Variants in NKAIN3 observed in about 807,000 individuals in gnomAD.
NKAIN3 encodes sodium/potassium transporting ATPase interacting 3.
A neutral mutation model predicts 30.2 loss-of-function variants in NKAIN3; 25 were observed. The ratio of observed to expected loss-of-function variants is 0.83; its 90% CI spans 0.60 to 1.16. The LOEUF (loss-of-function observed/expected upper bound fraction) is 1.16. NKAIN3 is among the 50% of genes most tolerant of loss of function. NKAIN3 has a pLI of 0.00. For synonymous variants in NKAIN3, 91 were observed against 89.6 expected (o/e 1.02, Z -0.09); for missense variants, 225 against 254.1 (o/e 0.89, Z 0.78).
chr8:62,429,275 A>G (rs888039665), intron 1 of NKAIN3, among the ~76,000 whole-genome samples: 12 of 151,846 alleles, frequency 7.9e-5, no homozygotes, highest in Admixed American at 2.6e-4. Context: ...GTTTTGAGGT[A>G]TATTTCTTCT....
At chr8:62,454,008 G>A (rs991239746) in intron 1 of NKAIN3, among the ~76,000 whole-genome samples, 7 of 151,836 alleles carry the variant, frequency 4.6e-5, no homozygotes, top group Non-Finnish European at 7.4e-5. Flanking sequence ...TCTAAAACTT[G>A]ATTATAAACA....
At chr8:62,895,371 G>C (rs1486320697) in intron 4 of NKAIN3, among the ~76,000 whole-genome samples, 1 of 152,216 alleles carries the variant, frequency 6.6e-6, no homozygotes, top group Non-Finnish European at 1.5e-5. Context: ...GCTATGCAAA[G>C]AGGAGCAGTC....
intron 4 of NKAIN3, among the ~76,000 whole-genome samples, chr8:62,850,589 G>T (rs1338677055): frequency 6.6e-6 from 1 of 152,000 alleles, no homozygotes; most frequent in Non-Finnish European, 1.5e-5. Context: ...ATGGTTTTAG[G>T]TCTAACATTT....
intron 1 of NKAIN3, among the ~76,000 whole-genome samples, chr8:62,490,991 G>A (rs900578327): frequency 6.6e-6 from 1 of 152,154 alleles, no homozygotes; most frequent in African/African-American, 2.4e-5. Flanking sequence ...CTCCACACCA[G>A]GCCCTTGCTC....
At chr8:62,733,073 A>G (rs577668254) in intron 3 of NKAIN3, among the ~76,000 whole-genome samples, 54 of 152,084 alleles carry the variant, frequency 3.6e-4, no homozygotes, top group Non-Finnish European at 7.1e-4. Flanking sequence ...CTTCAAAATC[A>G]TATACTCATT....
chr8:62,739,936 C>G (rs1815809838), intron 3 of NKAIN3, among the ~76,000 whole-genome samples: 1 of 152,098 alleles, frequency 6.6e-6, no homozygotes, highest in Non-Finnish European at 1.5e-5. Context: ...TAGAAAGCAA[C>G]AGGACATGAC....
chr8:62,943,584 C>T (rs1482057842), intron 5 of NKAIN3, among the ~76,000 whole-genome samples: 2 of 148,442 alleles, frequency 1.3e-5, no homozygotes, highest in Non-Finnish European at 2.9e-5. Context: ...GACACTTGCA[C>T]GTGCATGTTT....
In NKAIN3 at chr8:62,976,176, G is replaced by T. The variant is rs1281080362; in HGVS notation, c.*10769G>T. Among the ~76,000 whole-genome samples, 2 of 152,086 alleles carry T rather than the reference G, an allele frequency of 1.3e-5. No homozygotes were observed. The highest frequency in any genetic ancestry group is 1.3e-4 in the Admixed American group (2 of 15,260). On this transcript the variant is annotated 3_prime_UTR_variant, in exon 7 of 7. Coordinates refer to ENST00000623646, the MANE Select transcript of NKAIN3 (RefSeq NM_001304533.3). ...GTATATTCTGTTGATTTGGGGTGGA[G>T]AGTTCTGTAGATATCTATTAGGTCT...
chr8:62,258,782 T>A (rs368910427), intron 1 of NKAIN3, among the ~76,000 whole-genome samples: 1 of 152,174 alleles, frequency 6.6e-6, no homozygotes, highest in African/African-American at 2.4e-5. Context: ...AAAAGATGAC[T>A]GACAAGATGT....
intron 3 of NKAIN3, among the ~76,000 whole-genome samples, chr8:62,669,863 G>T (rs1182794963): frequency 6.6e-6 from 1 of 152,098 alleles, no homozygotes. Flanking sequence ...ATGTTCTTCT[G>T]CATGTTAAGG....
intron 1 of NKAIN3, among the ~76,000 whole-genome samples, chr8:62,547,347 C>T (rs946961439): frequency 2.6e-5 from 4 of 152,138 alleles, no homozygotes; most frequent in Non-Finnish European, 5.9e-5. Context: ...CAATTTTCTT[C>T]TATATGAGTT....
At chr8:62,886,018 T>C (rs1332918339) in intron 4 of NKAIN3, among the ~76,000 whole-genome samples, 1 of 152,180 alleles carries the variant, frequency 6.6e-6, no homozygotes, top group Non-Finnish European at 1.5e-5. Context: ...ATGTCTACCA[T>C]ATTCATTGCT....
rs190101580 is a variant in NKAIN3, at chr8:62,724,268, G to A, written c.274-22664G>A. On this transcript the variant is annotated intron_variant, in intron 3 of 6. Coordinates refer to ENST00000623646, the MANE Select transcript of NKAIN3 (RefSeq NM_001304533.3). ...TTTTATTTTTAATGTTTGTGAGTACGTAGTAGGTGCATGTTTACAAGGTGT... is the reference window on the plus strand; with the variant it reads ...TTTTATTTTTAATGTTTGTGAGTACATAGTAGGTGCATGTTTACAAGGTGT... Among the ~76,000 whole-genome samples the A allele has an allele frequency of 2.9e-3, 437 of 151,944 alleles. 3 individuals are homozygous for A. The highest frequency in any genetic ancestry group is 0.01 in the African/African-American group (421 of 41,440).
In NKAIN3 at chr8:62,364,024, T is replaced by A. The variant is rs1488280393; in HGVS notation, c.54+114897T>A. Among the ~76,000 whole-genome samples the A allele has an allele frequency of 2.0e-5, 3 of 151,674 alleles. No homozygotes were observed. The East Asian group carries it at 5.9e-4, about 30-fold the overall frequency. On this transcript the variant is annotated intron_variant, in intron 1 of 6. Transcript: ENST00000623646. ...GGGTGAAATGGTTACCCAGAAGGCA[T>A]CTCTTATTTGGGGTTCCTTCTCTGT...
chr8:62,525,164 A>G (rs578002338), intron 1 of NKAIN3, among the ~76,000 whole-genome samples: 1 of 152,276 alleles, frequency 6.6e-6, no homozygotes, highest in South Asian at 2.1e-4. Context: ...TGTACCAAGA[A>G]TCCTGCCACA....
At chr8:62,426,390 T>C (rs1254379579) in intron 1 of NKAIN3, among the ~76,000 whole-genome samples, 2 of 151,980 alleles carry the variant, frequency 1.3e-5, no homozygotes, top group Non-Finnish European at 2.9e-5. Flanking sequence ...AGAATATGAA[T>C]ATAGAATAAG....
chr8:62,272,312 A>C lies in NKAIN3; in HGVS notation c.54+23185A>C, dbSNP rs185209354. Among the ~76,000 whole-genome samples, 4 of 152,242 alleles carry C rather than the reference A, an allele frequency of 2.6e-5. No homozygotes were observed. In the East Asian group the frequency reaches 7.8e-4, roughly 30 times the overall value. ...AGTAGGTTATCATAGTGTTGGGAGT[A>C]TGGGGGATATGAGTGTTGTGGTTAC... On this transcript the variant is annotated intron_variant, in intron 1 of 6. Transcript: ENST00000623646.
chr8:62,614,927 G>A (rs542829704), intron 3 of NKAIN3, among the ~76,000 whole-genome samples: 3 of 152,162 alleles, frequency 2.0e-5, no homozygotes, highest in Non-Finnish European at 4.4e-5. Context: ...GGCAGGTCCA[G>A]AAATGCTATT....
chr8:62,801,956 G>A (rs548398485), intron 4 of NKAIN3, among the ~76,000 whole-genome samples: 38 of 152,328 alleles, frequency 2.5e-4, no homozygotes, highest in Middle Eastern at 3.4e-3. Context: ...CAAGGCTCGA[G>A]AACTATGTGA....
Sources: allele counts gnomAD v4.1 joint callset (sites outside exome capture counted in the v4.1 genomes callset), GRCh38; gene constraint gnomAD v4.1.1; transcripts MANE v1.5; gene names NCBI Gene and HGNC (gene_info 2026-07-23, HGNC 2026-07-21).